Variants in TMEM132D observed in about 807,000 individuals in gnomAD.
The protein encoded by TMEM132D is transmembrane protein 132D, also known as mature OL transmembrane protein.
Under a neutral mutation model 62.3 loss-of-function variants are expected in TMEM132D, and 21 were observed. That is an observed-to-expected ratio of 0.34 (90% CI 0.24 to 0.49). The LOEUF (loss-of-function observed/expected upper bound fraction) is 0.49, where lower values mean the gene tolerates loss of function less well. Among genes scored for constraint, TMEM132D ranks in the 20% least tolerant of loss-of-function variants. The pLI, the probability that TMEM132D is intolerant of heterozygous loss-of-function variation, is 0.99. For missense variants in TMEM132D, 1,346 were observed against 1,402.8 expected (o/e 0.96, Z 0.65); for synonymous variants, 621 against 575.6 (o/e 1.08, Z -1.13).
At chr12:129,869,415 T>C (rs781677800) in intron 1 of TMEM132D, among the ~76,000 whole-genome samples, 2 of 152,260 alleles carry the variant, frequency 1.3e-5, no homozygotes, top group Non-Finnish European at 2.9e-5. Flanking sequence ...TATTTGCATA[T>C]AACCTATGCA....
At chr12:129,085,894 T>C (rs1312962495) in intron 5 of TMEM132D, 2 of 152,268 alleles carry the variant, frequency 1.3e-5, no homozygotes, top group Non-Finnish European at 2.9e-5. Context: ...ATGAGTCCTT[T>C]AGTTTTCATC....
rs139337372 is a variant in TMEM132D at position 129,641,949 on chromosome 12, C to T, written c.968+57861G>A. On this transcript the variant is annotated intron_variant, in intron 2 of 8. Transcript: ENST00000422113. ...ACTTACTGAGCTGTGTTATATCATG[C>T]AAATTTTCCAAATACAAACCGAACA... is the stretch of plus-strand genomic sequence containing the variant. 2.0e-5 allele frequency among the ~76,000 whole-genome samples: 3 copies of T among 152,200 alleles called. No homozygotes were observed. In the East Asian group the frequency reaches 5.8e-4, roughly 29 times the overall value.
At chr12:129,170,218 T>G (rs1031545668) in intron 5 of TMEM132D, 1 of 152,120 alleles carries the variant, frequency 6.6e-6, no homozygotes, top group East Asian at 1.9e-4. Context: ...TGTGAATAAA[T>G]AAAAGATGAT....
At position 129,768,105 on chromosome 12, in the gene TMEM132D, G is replaced by C. The variant is rs547246634; in HGVS notation, c.80-67407C>G. 2.4e-4 allele frequency among the ~76,000 whole-genome samples: 36 copies of C among 152,222 alleles called. No individual in the cohort carries two copies. The East Asian group carries it at 3.9e-3, about 16-fold the overall frequency. Reference sequence around the variant, plus strand: ...CTCCCATGACATGTCAGAATTGTGGGAGCTATAGTTCATGAAGAGATTTCT... The same window carrying C: ...CTCCCATGACATGTCAGAATTGTGGCAGCTATAGTTCATGAAGAGATTTCT... On this transcript the variant is annotated intron_variant, in intron 1 of 8. Coordinates refer to ENST00000422113, the MANE Select transcript of TMEM132D (RefSeq NM_133448.3).
At chr12:129,575,042 C>G (rs993591297) in intron 2 of TMEM132D, among the ~76,000 whole-genome samples, 1 of 151,654 alleles carries the variant, frequency 6.6e-6, no homozygotes, top group African/African-American at 2.4e-5. Context: ...ATCTGCTTGG[C>G]GCTACATATG....
At chr12:129,301,192 C>G (rs1881705146) in intron 4 of TMEM132D, among the ~76,000 whole-genome samples, 1 of 152,038 alleles carries the variant, frequency 6.6e-6, no homozygotes, top group African/African-American at 2.4e-5. Context: ...AAAGGACTCT[C>G]CCATTGAAAA....
intron 2 of TMEM132D, among the ~76,000 whole-genome samples, chr12:129,552,966 T>C (rs567309078): frequency 2.4e-4 from 36 of 152,288 alleles, no homozygotes; most frequent in African/African-American, 8.7e-4. Flanking sequence ...ACGGTCCAGA[T>C]CCAACAACTA....
At chr12:129,807,530 G>T (rs576428985) in intron 1 of TMEM132D, among the ~76,000 whole-genome samples, 1 of 152,308 alleles carries the variant, frequency 6.6e-6, no homozygotes, top group South Asian at 2.1e-4. Context: ...ACATGCTGTA[G>T]TTCTCCTCTC....
intron 4 of TMEM132D, among the ~76,000 whole-genome samples, chr12:129,247,956 T>C (rs1445366230): frequency 6.6e-6 from 1 of 152,040 alleles, no homozygotes; most frequent in Non-Finnish European, 1.5e-5. Flanking sequence ...CAAATGGCAA[T>C]TATACCTTAA....
At chr12:129,458,817 T>C (rs576152631) in intron 3 of TMEM132D, among the ~76,000 whole-genome samples, 1 of 152,266 alleles carries the variant, frequency 6.6e-6, no homozygotes, top group South Asian at 2.1e-4. Context: ...CTGACACGGT[T>C]TCACCCAGTT....
At chr12:129,302,637 C>T (rs1361560429) in intron 4 of TMEM132D, among the ~76,000 whole-genome samples, 2 of 152,204 alleles carry the variant, frequency 1.3e-5, no homozygotes, top group Non-Finnish European at 2.9e-5. Context: ...CAGATGCTTC[C>T]TTTTTCTCCA....
intron 3 of TMEM132D, among the ~76,000 whole-genome samples, chr12:129,353,430 A>G (rs1438654462): frequency 6.6e-6 from 1 of 152,154 alleles, no homozygotes; most frequent in Non-Finnish European, 1.5e-5. Context: ...CAAACTGTTC[A>G]AACATCACTT....
intron 1 of TMEM132D, among the ~76,000 whole-genome samples, chr12:129,759,958 T>C (rs1870297944): frequency 6.6e-6 from 1 of 151,928 alleles, no homozygotes; most frequent in African/African-American, 2.4e-5. Context: ...CAGACTGGAG[T>C]ACAGTGGTGC....
chr12:129,145,829 G>T (rs1435101132), intron 5 of TMEM132D, among the ~76,000 whole-genome samples: 1 of 152,080 alleles, frequency 6.6e-6, no homozygotes, highest in Non-Finnish European at 1.5e-5. Flanking sequence ...GTGCCCAGGG[G>T]TGTCCAAGAG....
At chr12:129,654,299 T>TGTGTGTGTGTGTGA (rs1880015222) in intron 2 of TMEM132D, among the ~76,000 whole-genome samples, 1 of 37,082 alleles carries the variant, frequency 2.7e-5, no homozygotes, top group East Asian at 3.8e-4. Context: ...TGTGTGTGAG[T>TGTGTGTGTGTGTGA]GTGTGTGTGT....
rs143608201 is a variant in TMEM132D at position 129,215,858 on chromosome 12, G to C, written c.1300-6195C>G. On this transcript the variant is annotated intron_variant, in intron 4 of 8. Transcript: ENST00000422113. ...TGTCTTACATGGCGTGGGGCAAAGAGAGAAGGAGAGCCAAGTGAAAGGGGA... is the reference window on the plus strand; with the variant it reads ...TGTCTTACATGGCGTGGGGCAAAGACAGAAGGAGAGCCAAGTGAAAGGGGA... 3.3e-5 allele frequency among the ~76,000 whole-genome samples: 5 copies of C among 152,312 alleles called. No homozygotes were observed. In the East Asian group the frequency reaches 9.6e-4, roughly 29 times the overall value.
Position 129,205,788 on chromosome 12 carries a change from CA to C in TMEM132D, c.1443+3731del, listed in dbSNP as rs527700034. Among the ~76,000 whole-genome samples, 533 of 145,988 alleles carry C rather than the reference CA, an allele frequency of 3.7e-3. 2 individuals carry two copies. The highest frequency in any genetic ancestry group is 0.012 in the African/African-American group (490 of 40,066). On this transcript the variant is annotated intron_variant, in intron 5 of 8. Transcript: ENST00000422113. ...GACATAAAACAATCCTTAGCAAATT[CA>C]AAAAAAAAAATTGAAACCATACCAA...
intron 5 of TMEM132D, among the ~76,000 whole-genome samples, chr12:129,201,047 A>G (rs1878691240): frequency 1.3e-5 from 2 of 152,188 alleles, no homozygotes; most frequent in Admixed American, 6.5e-5. Context: ...GTGGATGTTG[A>G]TGCTGTTGAA....
intron 3 of TMEM132D, among the ~76,000 whole-genome samples, chr12:129,351,515 G>T (rs995521887): frequency 1.3e-5 from 2 of 152,118 alleles, no homozygotes; most frequent in African/African-American, 4.8e-5. Context: ...GCCCAAGAGG[G>T]AACTTGTGCT....
Sources: allele counts gnomAD v4.1 joint callset (sites outside exome capture counted in the v4.1 genomes callset), GRCh38; gene constraint gnomAD v4.1.1; transcripts MANE v1.5; gene names NCBI Gene and HGNC (gene_info 2026-07-23, HGNC 2026-07-21).